Variants in GALNT17 observed in about 807,000 individuals in gnomAD.
GALNT17 encodes the protein polypeptide N-acetylgalactosaminyltransferase 17, also known as UDP-GalNAc:polypeptide N-acetylgalactosaminyltransferase-like 3.
Under a neutral mutation model 63.7 loss-of-function variants are expected in GALNT17, and 29 were observed. The ratio of observed to expected loss-of-function variants is 0.46; its 90% confidence interval spans 0.34 to 0.62. GALNT17 has a LOEUF of 0.62. Among genes scored for constraint, GALNT17 ranks in the 20% least tolerant of loss-of-function variants. The probability of loss-of-function intolerance (pLI) is 0.01; values close to 1 mark genes in which losing one functional copy is unlikely to be tolerated. For missense variants in GALNT17, 603 were observed against 799.6 expected (o/e 0.75, Z 2.97); for synonymous variants, 305 against 318.3 (o/e 0.96, Z 0.45).
intron 1 of GALNT17, among the ~76,000 whole-genome samples, chr7:71,191,339 G>A (rs961851595): frequency 6.9e-6 from 1 of 145,278 alleles, no homozygotes; most frequent in Non-Finnish European, 1.5e-5. Context: ...GTTTTGTTTT[G>A]TTTTTCACTC....
At chr7:71,190,525 C>T (rs1788931689) in intron 1 of GALNT17, among the ~76,000 whole-genome samples, 1 of 152,270 alleles carries the variant, frequency 6.6e-6, no homozygotes, top group East Asian at 1.9e-4. Context: ...GTATGGCCTC[C>T]AGAAATGTGA....
intron 4 of GALNT17, among the ~76,000 whole-genome samples, chr7:71,419,538 G>T (rs747656135): frequency 1.3e-5 from 2 of 152,234 alleles, no homozygotes; most frequent in Non-Finnish European, 2.9e-5. Context: ...CGCAGTCATT[G>T]TGACTTGAAT....
At chr7:71,503,248 A>G (rs572587338) in intron 5 of GALNT17, among the ~76,000 whole-genome samples, 18 of 152,200 alleles carry the variant, frequency 1.2e-4, no homozygotes, top group African/African-American at 4.3e-4. Flanking sequence ...CATAATTTAC[A>G]TCACTTTTCT....
chr7:71,248,935 T>C (rs1457222003), intron 1 of GALNT17, among the ~76,000 whole-genome samples: 1 of 151,174 alleles, frequency 6.6e-6, no homozygotes, highest in Non-Finnish European at 1.5e-5. Context: ...TTGCCTCTTC[T>C]CTACTGAATC....
At chr7:71,416,880 T>C (rs1786543741) in intron 4 of GALNT17, among the ~76,000 whole-genome samples, 1 of 152,148 alleles carries the variant, frequency 6.6e-6, no homozygotes, top group Non-Finnish European at 1.5e-5. Context: ...GGCCCTGATA[T>C]TTTTCCAGGT....
intron 1 of GALNT17, among the ~76,000 whole-genome samples, chr7:71,145,860 C>G (rs959637191): frequency 1.3e-5 from 2 of 152,102 alleles, no homozygotes; most frequent in African/African-American, 4.8e-5. Flanking sequence ...CGGCCGCCAC[C>G]ACACCCCGCT....
Position 71,335,649 on chromosome 7 carries a change from G to A in GALNT17, c.338G>A (p.Gly113Glu). The change falls in exon 2 of 11, where the codon GGA becomes GAA. Residue 113 changes from glycine (G) to glutamate (E), a missense_variant. This residue lies in a region of GALNT17 where 195 missense variants were observed against 215.0 expected (regional missense o/e 0.91). Coordinates refer to ENST00000333538, the MANE Select transcript of GALNT17 (RefSeq NM_022479.3). ...LSPAEEEKAK[G>E]PHEKYGYNSY... ...CCGGCTGAAGAAGAAAAGGCTAAGG[G>A]ACCCCATGAGAAGTATGGCTACAAT... 1 of 1,613,642 alleles carries A rather than the reference G, an allele frequency of 6.2e-7. No individual in the cohort carries two copies. Among genetic ancestry groups the A allele is most frequent in the South Asian group, 1.1e-5 (1 of 91,004 alleles).
At chr7:71,504,592 A>AT (rs996800429) in intron 5 of GALNT17, among the ~76,000 whole-genome samples, 62 of 125,594 alleles carry the variant, frequency 4.9e-4, no homozygotes, top group Non-Finnish European at 9.3e-4. Flanking sequence ...GTTTATTTAC[A>AT]TTTTTTTACC....
chr7:71,588,098 T>C (rs936191658), intron 6 of GALNT17, among the ~76,000 whole-genome samples: 1 of 152,234 alleles, frequency 6.6e-6, no homozygotes, highest in Non-Finnish European at 1.5e-5. Context: ...TAGGTTGCCA[T>C]TGTTTCTAAG....
rs1477364897 is a variant in GALNT17, at chr7:71,699,292, A to G, written c.1501-11469A>G. ...CAAGATATCGATACCATTCTGGCCAACATGGTGAAACCCCGTCTCTACTAC... is the reference window on the plus strand; with the variant it reads ...CAAGATATCGATACCATTCTGGCCAGCATGGTGAAACCCCGTCTCTACTAC... On this transcript the variant is annotated intron_variant, in intron 9 of 10. Transcript: ENST00000333538. Among the ~76,000 whole-genome samples the G allele has an allele frequency of 7.2e-5, 11 of 151,974 alleles. No homozygotes were observed. The East Asian group carries it at 1.4e-3, about 19-fold the overall frequency.
chr7:71,616,677 A>G (rs890877878), intron 6 of GALNT17, among the ~76,000 whole-genome samples: 1 of 121,388 alleles, frequency 8.2e-6, no homozygotes, highest in African/African-American at 2.9e-5. Flanking sequence ...CATGTAATAT[A>G]ATACATTATA....
At chr7:71,304,975 C>T (rs10226199) in intron 1 of GALNT17, among the ~76,000 whole-genome samples, 29,146 of 152,136 alleles carry the variant, frequency 0.19, 2,909 homozygotes, top group East Asian at 0.33. Context: ...CCGTGATTCA[C>T]CTGCCTTGGC....
intron 6 of GALNT17, among the ~76,000 whole-genome samples, chr7:71,602,197 T>C (rs1017874004): frequency 6.6e-6 from 1 of 152,226 alleles, no homozygotes. Flanking sequence ...ATGCGTAGAG[T>C]ATTTCTCACC....
intron 6 of GALNT17, among the ~76,000 whole-genome samples, chr7:71,588,889 C>T (rs893375937): frequency 2.0e-5 from 3 of 151,976 alleles, no homozygotes; most frequent in African/African-American, 7.2e-5. Flanking sequence ...AATCCTCCAC[C>T]CTCCCTCCCC....
intron 6 of GALNT17, among the ~76,000 whole-genome samples, chr7:71,590,000 A>C (rs1028122769): frequency 6.6e-6 from 1 of 152,136 alleles, no homozygotes; most frequent in Non-Finnish European, 1.5e-5. Flanking sequence ...TTATGTTCAT[A>C]ATCTTTATGT....
chr7:71,240,092 G>A (rs973909795), intron 1 of GALNT17, among the ~76,000 whole-genome samples: 2 of 152,144 alleles, frequency 1.3e-5, no homozygotes, highest in African/African-American at 4.8e-5. Flanking sequence ...TTTTCCCTTA[G>A]AGGGTGGAAC....
rs962006460 is a variant in GALNT17, at chr7:71,388,091, C to T, written c.423-144C>T. 22 of 800,742 alleles carry T rather than the reference C, an allele frequency of 2.7e-5. No individual in the cohort carries two copies. The African/African-American group carries it at 3.1e-4, about 11-fold the overall frequency. The allele number at this position is 800,742 out of a possible 1,614,324, so 49.6% of individuals were successfully genotyped here. A position where few individuals can be genotyped will look rare whatever the true frequency, so the allele number is the denominator to read the frequency against. On this transcript the variant is annotated intron_variant, in intron 2 of 10. Transcript: ENST00000333538. ...TTAGGGTTTATTCTCAGTTCTTAGC[C>T]AAGGAGAAGCCTAAGGGAACCAGTG...
chr7:71,155,364 C>T (rs1238098791), intron 1 of GALNT17, among the ~76,000 whole-genome samples: 1 of 151,666 alleles, frequency 6.6e-6, no homozygotes, highest in Non-Finnish European at 1.5e-5. Flanking sequence ...CCCCCAACCT[C>T]CCGGGCTCAA....
chr7:71,348,256 G>C (rs1391912735), intron 2 of GALNT17, among the ~76,000 whole-genome samples: 1 of 133,960 alleles, frequency 7.5e-6, no homozygotes, highest in Non-Finnish European at 1.6e-5. Flanking sequence ...GTGAGACTCT[G>C]TCTCAAAAAA....
Sources: gnomAD v4.1 joint callset for allele counts (sites outside exome capture counted in the v4.1 genomes callset) on GRCh38, gnomAD v4.1.1 for gene constraint, gnomAD v4.1.1 regional missense constraint, MANE v1.5 for transcripts, NCBI Gene and HGNC (gene_info 2026-07-23, HGNC 2026-07-21) for gene names.